Variants in LRP1B observed in about 807,000 individuals in gnomAD.
LRP1B encodes the protein low-density lipoprotein receptor-related protein 1B.
Under a neutral mutation model 556.6 loss-of-function variants are expected in LRP1B, and 217 were observed. The ratio of observed to expected loss-of-function variants is 0.39; its 90% CI spans 0.35 to 0.44. The LOEUF (loss-of-function observed/expected upper bound fraction) is 0.44, where lower values mean the gene tolerates loss of function less well. Ranked by LOEUF, LRP1B falls within the 20% of genes least tolerant of loss-of-function variation. The pLI is 1.00. For missense variants in LRP1B, 5,053 were observed against 5,620.8 expected (o/e 0.90, Z 3.23); for synonymous variants, 2,047 against 1,865.8 (o/e 1.10, Z -2.50).
intron 3 of LRP1B, among the ~76,000 whole-genome samples, chr2:141,378,767 C>T (rs1689528506): frequency 6.6e-6 from 1 of 152,020 alleles, no homozygotes. Context: ...CAGATTTGAG[C>T]AGGCAGAAGA....
intron 66 of LRP1B, among the ~76,000 whole-genome samples, chr2:140,436,578 C>A (rs1358839097): frequency 6.7e-6 from 1 of 149,948 alleles, no homozygotes; most frequent in Admixed American, 6.7e-5. Flanking sequence ...GTTTTCATTT[C>A]TCTCTCTCCT....
chr2:140,758,405 G>A (rs1688810064), intron 35 of LRP1B, among the ~76,000 whole-genome samples: 1 of 151,762 alleles, frequency 6.6e-6, no homozygotes, highest in Non-Finnish European at 1.5e-5. Context: ...TAGTATTGGT[G>A]ATTTTTATTT....
chr2:140,738,007 CAAT>C (rs1255858474), intron 35 of LRP1B, among the ~76,000 whole-genome samples: 1 of 152,102 alleles, frequency 6.6e-6, no homozygotes, highest in East Asian at 1.9e-4. Flanking sequence ...CTGTCTTTCT[CAAT>C]GATGCGCTGG....
chr2:140,616,848 C>G (rs1240999469), intron 41 of LRP1B, among the ~76,000 whole-genome samples: 1 of 151,728 alleles, frequency 6.6e-6, no homozygotes, highest in Admixed American at 6.6e-5. Flanking sequence ...AGTTCATGCC[C>G]TAGCTGATTT....
chr2:141,443,413 G>A (rs1025684977), intron 3 of LRP1B, among the ~76,000 whole-genome samples: 2 of 152,128 alleles, frequency 1.3e-5, no homozygotes, highest in Non-Finnish European at 2.9e-5. Context: ...TTCTTTTGCT[G>A]TGCAGGAGCT....
chr2:141,544,562 T>A (rs1685485029), intron 2 of LRP1B, among the ~76,000 whole-genome samples: 1 of 151,774 alleles, frequency 6.6e-6, no homozygotes. Flanking sequence ...ATTATAGGTG[T>A]GAGCCGCTGC....
chr2:140,358,652 C>A (rs1208236260), intron 73 of LRP1B, among the ~76,000 whole-genome samples, 169 bp downstream of exon 73: 1 of 151,586 alleles, frequency 6.6e-6, no homozygotes. Context: ...ACCTATAAGG[C>A]AAATGAAATG....
At chr2:141,530,840 G>C (rs1684847994) in intron 2 of LRP1B, among the ~76,000 whole-genome samples, 1 of 150,916 alleles carries the variant, frequency 6.6e-6, no homozygotes, top group Non-Finnish European at 1.5e-5. Flanking sequence ...ATAAGTTTGA[G>C]GAATAAAGAA....
intron 79 of LRP1B, among the ~76,000 whole-genome samples, chr2:140,328,991 T>G (rs1005692253): frequency 1.3e-5 from 2 of 152,114 alleles, no homozygotes; most frequent in Non-Finnish European, 2.9e-5. Flanking sequence ...TATGTAGTTA[T>G]TTATTTTCTT....
At chr2:140,437,987 T>C (rs1686259703) in intron 66 of LRP1B, among the ~76,000 whole-genome samples, 1 of 152,224 alleles carries the variant, frequency 6.6e-6, no homozygotes, top group Admixed American at 6.5e-5. Flanking sequence ...ACTTGTTATA[T>C]AACAAGTGTA....
At chr2:141,359,658 A>C (rs1445181511) in intron 3 of LRP1B, among the ~76,000 whole-genome samples, 1 of 152,134 alleles carries the variant, frequency 6.6e-6, no homozygotes, top group African/African-American at 2.4e-5. Context: ...TGGGAGGCTG[A>C]GGCAGGAGAA....
chr2:140,683,701 C>T (rs1685943885), intron 41 of LRP1B: 1 of 724,826 alleles, frequency 1.4e-6, no homozygotes, highest in Non-Finnish European at 2.5e-6. Flanking sequence ...CCGGGCTGGA[C>T]TGTCATTAGA....
intron 1 of LRP1B, among the ~76,000 whole-genome samples, chr2:141,833,305 C>T (rs541526030): frequency 8.6e-5 from 13 of 151,686 alleles, no homozygotes; most frequent in Non-Finnish European, 1.8e-4. Context: ...ATTAATCCCA[C>T]CATTTAAACT....
chr2:140,623,949 T>TTAAA, intron 41 of LRP1B, among the ~76,000 whole-genome samples: 1 of 91,986 alleles, frequency 1.1e-5, no homozygotes, highest in Non-Finnish European at 2.2e-5. Context: ...TATTATATTT[T>TTAAA]ATTTATGTAT....
chr2:140,398,537 T>G (rs74767774), intron 66 of LRP1B, among the ~76,000 whole-genome samples: 2 of 88,554 alleles, frequency 2.3e-5, no homozygotes, highest in African/African-American at 4.7e-5. Context: ...TGTTGTTGTT[T>G]TTGTTTTGAG....
At chr2:141,616,058 C>T (rs1044319659) in intron 2 of LRP1B, among the ~76,000 whole-genome samples, 29 of 152,144 alleles carry the variant, frequency 1.9e-4, no homozygotes, top group South Asian at 6.2e-4. Flanking sequence ...CCGAGATGGG[C>T]GGACCACGAG....
At chr2:141,330,496 T>G (rs1014128272) in intron 3 of LRP1B, among the ~76,000 whole-genome samples, 6 of 152,192 alleles carry the variant, frequency 3.9e-5, no homozygotes, top group Admixed American at 6.5e-5. Flanking sequence ...GTGTTAAAAT[T>G]TCAAAACTCT....
intron 7 of LRP1B, among the ~76,000 whole-genome samples, chr2:141,149,977 G>GT (rs1701880712): frequency 6.6e-6 from 1 of 152,164 alleles, no homozygotes; most frequent in South Asian, 2.1e-4. Flanking sequence ...ATTTAGAGAG[G>GT]TTTTTTGAAT....
At chr2:141,471,975 A>G (rs1433060777) in intron 3 of LRP1B, among the ~76,000 whole-genome samples, 1 of 152,236 alleles carries the variant, frequency 6.6e-6, no homozygotes, top group Non-Finnish European at 1.5e-5. Flanking sequence ...TAACACTATC[A>G]AGAGTTGTAG....
Sources: allele counts gnomAD v4.1 joint callset (sites outside exome capture counted in the v4.1 genomes callset), GRCh38; gene constraint gnomAD v4.1.1; transcripts MANE v1.5; gene names NCBI Gene and HGNC (gene_info 2026-07-23, HGNC 2026-07-21).